CSMD1: variants seen among roughly 807,000 people sequenced by gnomAD.
CSMD1 encodes the protein CUB and sushi domain-containing protein 1.
Under a neutral mutation model 417.5 loss-of-function variants are expected in CSMD1, and 213 were observed. The ratio of observed to expected loss-of-function variants is 0.51; its 90% CI spans 0.46 to 0.57. The LOEUF is 0.57. Among genes scored for constraint, CSMD1 ranks in the 20% least tolerant of loss-of-function variants. The pLI, the probability that CSMD1 is intolerant of heterozygous loss-of-function variation, is 0.00. For synonymous variants in CSMD1, 2,862 were observed against 1,736.8 expected, an observed-to-expected ratio of 1.65 and a Z score of -16.11; for missense variants, 6,923 against 4,529.7, an observed-to-expected ratio of 1.53 and a Z score of -15.17.
intron 1 of CSMD1, among the ~76,000 whole-genome samples, chr8:4,844,325 T>C (rs1314200965): frequency 2.0e-5 from 3 of 152,166 alleles, no homozygotes; most frequent in South Asian, 2.1e-4. Context: ...CCGTTATTGA[T>C]ACATTTTGTT....
chr8:4,325,642 C>G (rs527740795), intron 3 of CSMD1, among the ~76,000 whole-genome samples: 10 of 152,182 alleles, frequency 6.6e-5, no homozygotes, highest in African/African-American at 2.4e-4. Flanking sequence ...CCAAACTACC[C>G]AAATTACACA....
chr8:4,529,938 C>T lies in CSMD1; in HGVS notation c.302+107404G>A, dbSNP rs116386102. ...TTATTTTTGTTTGTCTGTTTGAGAC[C>T]GAGTCTCGATTTGTCACCCAGGCTG... On this transcript the variant is annotated intron_variant, in intron 2 of 69. Transcript: ENST00000635120. Among the ~76,000 whole-genome samples, 1,494 of 150,486 alleles carry T rather than the reference C, an allele frequency of 9.9e-3. 11 individuals carry two copies. Among genetic ancestry groups the T allele is most frequent in the African/African-American group, 0.028 (1,149 of 40,904 alleles).
chr8:3,569,380 T>C (rs953199847), intron 10 of CSMD1, among the ~76,000 whole-genome samples: 3 of 152,216 alleles, frequency 2.0e-5, no homozygotes, highest in African/African-American at 7.2e-5. Context: ...ATGGCAGCAC[T>C]TGGTTATACA....
In CSMD1 at chr8:4,072,523, A is replaced by G. The variant is rs553109294; in HGVS notation, c.416-40424T>C. Reference sequence around the variant, plus strand: ...TCCATGCAATTGCTGAAAGCTCTAAACAGGAATCACATAGTTTTAAGTATT... The same window carrying G: ...TCCATGCAATTGCTGAAAGCTCTAAGCAGGAATCACATAGTTTTAAGTATT... On this transcript the variant is annotated intron_variant, in intron 3 of 69. Transcript: ENST00000635120. 1.5e-3 allele frequency among the ~76,000 whole-genome samples: 233 copies of G among 152,284 alleles called. 1 individual carries two copies. The highest frequency in any genetic ancestry group is 4.9e-3 in the African/African-American group (203 of 41,546).
intron 2 of CSMD1, among the ~76,000 whole-genome samples, chr8:4,535,704 T>C (rs1797069458): frequency 6.6e-6 from 1 of 152,128 alleles, no homozygotes; most frequent in Non-Finnish European, 1.5e-5. Context: ...TTATTTACAA[T>C]AAGGTATTTG....
rs180917075 is a variant in CSMD1 at position 3,331,170 on chromosome 8, G to A, written c.3631+12124C>T. Among the ~76,000 whole-genome samples, 64 of 151,046 alleles carry A rather than the reference G, an allele frequency of 4.2e-4. 3 individuals are homozygous for A. The East Asian group carries it at 0.011, about 27-fold the overall frequency. ...GGAGAATGGTGTGAACCCGGGAGGT[G>A]GAGCTTGCAGTGAGCCGAGATCGTG... is the stretch of plus-strand genomic sequence containing the variant. On this transcript the variant is annotated intron_variant, in intron 23 of 69. Transcript: ENST00000635120.
At position 3,659,532 on chromosome 8, in the gene CSMD1, G is replaced by C. The variant is rs1798304091; in HGVS notation, c.1010-42735C>G. The stretch of plus-strand genomic sequence containing the variant: ...TTATTCTCTTTGCCAGCTGTCCTGG[G>C]ATGATCCTAGTTCTTTTTTTCGGGG... On this transcript the variant is annotated intron_variant, in intron 7 of 69. Coordinates refer to ENST00000635120, the MANE Select transcript of CSMD1 (RefSeq NM_033225.6). Among the ~76,000 whole-genome samples, 3 of 152,166 alleles carry C rather than the reference G, an allele frequency of 2.0e-5. No homozygotes were observed. The South Asian group carries it at 6.2e-4, about 32-fold the overall frequency.
At chr8:3,730,357 A>C (rs1802771958) in intron 6 of CSMD1, among the ~76,000 whole-genome samples, 1 of 142,028 alleles carries the variant, frequency 7.0e-6, no homozygotes, top group Admixed American at 7.8e-5. Flanking sequence ...CTCCCAAAAA[A>C]ATTTAAGGAG....
chr8:3,497,662 T>C lies in CSMD1; in HGVS notation c.1345-3936A>G, dbSNP rs190753650. Among the ~76,000 whole-genome samples, 56 of 152,370 alleles carry C rather than the reference T, an allele frequency of 3.7e-4. 1 individual carries two copies. In the East Asian group the frequency reaches 7.3e-3, roughly 20 times the overall value. On this transcript the variant is annotated intron_variant, in intron 10 of 69. Transcript: ENST00000635120. ...TGTTTGCATGGACTATCTCTTGTAA[T>C]GTCTTCAGTTTAGTCTATGCCTTTA... is the stretch of plus-strand genomic sequence containing the variant.
chr8:3,433,950 G>A (rs895040659), intron 12 of CSMD1, among the ~76,000 whole-genome samples: 2 of 152,138 alleles, frequency 1.3e-5, no homozygotes, highest in African/African-American at 4.8e-5. Context: ...TGGCTCCCAG[G>A]CAAGACTCCC....
intron 3 of CSMD1, among the ~76,000 whole-genome samples, chr8:4,217,029 G>C (rs1266612615): frequency 2.6e-5 from 4 of 152,154 alleles, no homozygotes; most frequent in Admixed American, 6.5e-5. Flanking sequence ...TAAAGGATAA[G>C]TCTTTGATGC....
chr8:3,656,151 G>C (rs1202702222), intron 7 of CSMD1, among the ~76,000 whole-genome samples: 2 of 152,168 alleles, frequency 1.3e-5, no homozygotes, highest in African/African-American at 4.8e-5. Flanking sequence ...GCCTCTTTAG[G>C]AAGGGCTGTA....
intron 40 of CSMD1, among the ~76,000 whole-genome samples, chr8:3,143,308 C>A (rs1430545711): frequency 1.3e-5 from 2 of 152,146 alleles, no homozygotes; most frequent in Admixed American, 1.3e-4. Flanking sequence ...TATTGTGTTA[C>A]GTGTGCAAAA....
At chr8:3,459,276 G>C (rs1816346859) in intron 12 of CSMD1, among the ~76,000 whole-genome samples, 1 of 152,226 alleles carries the variant, frequency 6.6e-6, no homozygotes, top group Admixed American at 6.5e-5. Context: ...AGTGAGCAGG[G>C]TGAGGCGAGG....
rs573362612 is a variant in CSMD1 at position 3,692,619 on chromosome 8, G to C, written c.1009+15795C>G. ...AGCTAATTTTTGTATTTTTCGTAGA[G>C]GTGGGGTTTCACCATGTTGGTCAGG... On this transcript the variant is annotated intron_variant, in intron 7 of 69. Coordinates refer to ENST00000635120, the MANE Select transcript of CSMD1 (RefSeq NM_033225.6). 4.6e-5 allele frequency among the ~76,000 whole-genome samples: 7 copies of C among 152,114 alleles called. No homozygotes were observed. The South Asian group carries it at 1.5e-3, about 32-fold the overall frequency.
chr8:4,707,478 T>C (rs761067655), intron 1 of CSMD1, among the ~76,000 whole-genome samples: 1 of 152,180 alleles, frequency 6.6e-6, no homozygotes. Context: ...CCTGAATTTT[T>C]AGAGGATTTA....
chr8:4,917,090 G>A (rs1044750649), intron 1 of CSMD1, among the ~76,000 whole-genome samples: 8 of 152,154 alleles, frequency 5.3e-5, no homozygotes, highest in Non-Finnish European at 7.3e-5. Flanking sequence ...TAGGAAGCAC[G>A]GCTGTGGAGG....
rs761384456 is a variant in CSMD1, at chr8:3,367,065, T to G, written c.3082A>C (p.Ile1028Leu). Residue 1028 changes from isoleucine (I) to leucine (L), a missense_variant, in exon 20 of 70, where the codon ATT (isoleucine) becomes CTT (leucine). Ile to Leu is a conservative substitution (Grantham distance 5, BLOSUM62 2). Coordinates refer to ENST00000635120, the MANE Select transcript of CSMD1 (RefSeq NM_033225.6). ...AQLRFISDFS[I>L]SYEGFNITFS... ...GTGATATTGAAGCCCTCGTACGAAA[T>G]TGAGAAGTCTGATATAAACCGAAGC... 1.2e-6 allele frequency: 2 copies of G among 1,613,614 alleles called. No individual in the cohort carries two copies. The highest frequency in any genetic ancestry group is 4.5e-5 in the East Asian group (2 of 44,838).
At chr8:3,726,443 G>T (rs953276864) in intron 6 of CSMD1, among the ~76,000 whole-genome samples, 1 of 152,162 alleles carries the variant, frequency 6.6e-6, no homozygotes, top group African/African-American at 2.4e-5. Context: ...CAAGGACAGG[G>T]GTCAGCAGGT....
Sources: gnomAD v4.1 joint callset for allele counts (sites outside exome capture counted in the v4.1 genomes callset) on GRCh38, gnomAD v4.1.1 for gene constraint, MANE v1.5 for transcripts, NCBI Gene and HGNC (gene_info 2026-07-23, HGNC 2026-07-21) for gene names.